The following CNN3 variants were observed in gnomAD, a reference collection of about 807,000 sequenced individuals.
CNN3 encodes the protein calponin-3.
In CNN3, 11 loss-of-function variants were observed where a neutral mutation model predicts 39.0. The observed-to-expected ratio is 0.28, with a 90% CI of 0.18 to 0.47. CNN3 has a LOEUF of 0.47. Ranked by LOEUF, CNN3 falls within the 20% of genes least tolerant of loss-of-function variation. The pLI, the probability that CNN3 is intolerant of heterozygous loss-of-function variation, is 0.99. For synonymous variants in CNN3, 101 were observed against 138.3 expected, an observed-to-expected ratio of 0.73 and a Z score of 1.89; for missense variants, 266 against 403.4, an observed-to-expected ratio of 0.66 and a Z score of 2.92.
intron 1 of CNN3, among the ~76,000 whole-genome samples, chr1:94,908,461 T>A (rs564001584): frequency 1.7e-4 from 26 of 152,346 alleles, no homozygotes; most frequent in African/African-American, 6.0e-4. Context: ...CAAATGCAGA[T>A]CAGTCCTTTC....
At chr1:94,907,675 A>G (rs1403267594) in intron 1 of CNN3, among the ~76,000 whole-genome samples, 3 of 152,164 alleles carry the variant, frequency 2.0e-5, no homozygotes, top group Non-Finnish European at 2.9e-5. Flanking sequence ...CCTGGCTAAC[A>G]CGGTGAAACC....
chr1:94,904,415 C>T (rs931718843), intron 1 of CNN3, among the ~76,000 whole-genome samples: 1 of 152,100 alleles, frequency 6.6e-6, no homozygotes. Context: ...TATCCCTTGT[C>T]CTGGAGTCCC....
At chr1:94,925,474 G>A (rs1671551314) in intron 1 of CNN3, among the ~76,000 whole-genome samples, 1 of 152,146 alleles carries the variant, frequency 6.6e-6, no homozygotes, top group African/African-American at 2.4e-5. Flanking sequence ...TCTAATACGG[G>A]CAACACGTTT....
In CNN3 at chr1:94,903,115, C is replaced by G; in HGVS notation, c.246+7G>C. On this transcript the variant is annotated splice_region_variant and intron_variant, in intron 3 of 6. Transcript: ENST00000370206. ...CTAGAACCAGAGGTGGTTGGTTTGG[C>G]TGTTACCTGAGGCCAGTTCAGTGAG... 6.4e-7 allele frequency: 1 copy of G among 1,570,684 alleles called. No homozygotes were observed. Among genetic ancestry groups the G allele is most frequent in the Non-Finnish European group, 8.7e-7 (1 of 1,155,498 alleles).
At chr1:94,918,890 CAA>C (rs35284184) in intron 1 of CNN3, among the ~76,000 whole-genome samples, 25 of 102,728 alleles carry the variant, frequency 2.4e-4, no homozygotes, top group Admixed American at 5.1e-4. Flanking sequence ...AAGACTGTCT[CAA>C]AAAAAAAAAA....
Position 94,897,792 on chromosome 1 carries a change from C to G in CNN3, c.940G>C (p.Asp314His). The change falls in exon 7 of 7, where the codon GAT becomes CAT. Residue 314 changes from aspartate (D) to histidine (H), a missense_variant. Coordinates refer to ENST00000370206, the MANE Select transcript of CNN3 (RefSeq NM_001839.5). ...TATTGGTAATCTCTGGGGTAGTCAT[C>G]CTGGTACTCGCCATGATACTCATCA... The part of the protein sequence containing the change: ...YPDEYHGEYQ[D>H]DYPRDYQYSD... The G allele has an allele frequency of 6.2e-7, 1 of 1,614,118 alleles. No individual in the cohort carries two copies.
intron 3 of CNN3, 115 bp downstream of exon 3, chr1:94,903,007 A>T: frequency 1.3e-6 from 1 of 743,562 alleles, no homozygotes; most frequent in Non-Finnish European, 2.0e-6. Flanking sequence ...TAAAAACCGT[A>T]ATCAAAAAGT....
At chr1:94,911,812 G>T (rs949182475) in intron 1 of CNN3, among the ~76,000 whole-genome samples, 9 of 152,122 alleles carry the variant, frequency 5.9e-5, no homozygotes, top group Non-Finnish European at 1.3e-4. Flanking sequence ...CATGCCTGTA[G>T]TAATCCCAGC....
chr1:94,903,450 A>G lies in CNN3; in HGVS notation c.132T>C (p.Ile44=). 6.2e-7 allele frequency: 1 copy of G among 1,611,810 alleles called. No individual in the cohort carries two copies. Among genetic ancestry groups the G allele is most frequent in the Non-Finnish European group, 8.5e-7 (1 of 1,179,198 alleles). ...TTAAGCCCAGCTGGAAGTTGGGGCC[A>G]ATGCTCATGCCTGTCACCTCTTCTA... ...NWIEEVTGMS[I]GPNFQLGLKD... Residue 44 remains isoleucine, a synonymous_variant, in exon 2 of 7, where the codon ATT becomes ATC. Transcript: ENST00000370206.
Position 94,926,438 on chromosome 1 carries a change from C to T in CNN3, c.57+400G>A, listed in dbSNP as rs1416520018. On this transcript the variant is annotated intron_variant, in intron 1 of 6. Coordinates refer to ENST00000370206, the MANE Select transcript of CNN3 (RefSeq NM_001839.5). The surrounding 1 kb of genome is among the most constrained non-coding windows in gnomAD (Gnocchi z 4.2). ...TGGCGGGGGCTGCGGCAGCGGCTCG[C>T]CGGGTCCCTGGCCGCGCAGACGGGC... Among the ~76,000 whole-genome samples the T allele has an allele frequency of 1.3e-5, 2 of 152,178 alleles. No homozygotes were observed. Among genetic ancestry groups the T allele is most frequent in the Non-Finnish European group, 2.9e-5 (2 of 68,022 alleles).
chr1:94,903,021 A>C (rs1226743929), intron 3 of CNN3, 101 bp downstream of exon 3: 1 of 865,750 alleles, frequency 1.2e-6, no homozygotes, highest in Non-Finnish European at 1.7e-6. Flanking sequence ...AAAAAGTTAA[A>C]AAAAAAAAAA....
At chr1:94,916,494 A>C (rs1671282396) in intron 1 of CNN3, among the ~76,000 whole-genome samples, 1 of 152,186 alleles carries the variant, frequency 6.6e-6, no homozygotes. Context: ...GCCTGTCTCC[A>C]GTCATCCTCT....
chr1:94,923,733 C>T (rs1265173), intron 1 of CNN3, among the ~76,000 whole-genome samples: 1,711 of 152,238 alleles, frequency 0.011, 40 homozygotes, highest in African/African-American at 0.038. Flanking sequence ...AAACCAAATA[C>T]TTAAAGAGGC....
chr1:94,912,392 G>C (rs1005049510), intron 1 of CNN3, among the ~76,000 whole-genome samples: 1 of 152,190 alleles, frequency 6.6e-6, no homozygotes, highest in Non-Finnish European at 1.5e-5. Context: ...CTAGAACCTA[G>C]AGAGAAGCCT....
At chr1:94,922,382 C>T (rs561744699) in intron 1 of CNN3, among the ~76,000 whole-genome samples, 19 of 152,138 alleles carry the variant, frequency 1.2e-4, no homozygotes, top group Admixed American at 8.5e-4. Context: ...AATCTATTCC[C>T]GATGAATAAA....
intron 1 of CNN3, among the ~76,000 whole-genome samples, chr1:94,908,695 C>T (rs750571899): frequency 3.3e-5 from 5 of 152,118 alleles, no homozygotes; most frequent in Non-Finnish European, 7.4e-5. Flanking sequence ...TGCCCACCAC[C>T]ACACCCAGCT....
chr1:94,923,507 T>C (rs1324698908), intron 1 of CNN3, among the ~76,000 whole-genome samples: 13 of 152,008 alleles, frequency 8.6e-5, no homozygotes, highest in Admixed American at 7.2e-4. Context: ...TTAGGCTTTT[T>C]TTTTTTAAGG....
intron 5 of CNN3, 144 bp from the exon 6 acceptor site, chr1:94,899,661 T>TG: frequency 1.3e-6 from 1 of 776,544 alleles, no homozygotes; most frequent in Non-Finnish European, 2.0e-6. Flanking sequence ...CTCTTCTATG[T>TG]GTCTACAAAC....
intron 1 of CNN3, among the ~76,000 whole-genome samples, chr1:94,919,419 CAT>C (rs1166792717): frequency 6.6e-6 from 1 of 152,216 alleles, no homozygotes; most frequent in African/African-American, 2.4e-5. Context: ...AGTGGAATCA[CAT>C]GTTTGAATTA....
Sources: gnomAD v4.1 joint callset for allele counts (sites outside exome capture counted in the v4.1 genomes callset) on GRCh38, gnomAD v4.1.1 for gene constraint, Gnocchi (gnomAD v3.1) non-coding constraint, MANE v1.5 for transcripts, NCBI Gene and HGNC (gene_info 2026-07-23, HGNC 2026-07-21) for gene names.